RALGAPA2: variants seen among roughly 807,000 people sequenced by gnomAD.
RALGAPA2 encodes the protein ral GTPase-activating protein subunit alpha-2.
A neutral mutation model predicts 230.4 loss-of-function variants in RALGAPA2; 139 were observed. The ratio of observed to expected loss-of-function variants is 0.60; its 90% CI spans 0.53 to 0.69. The LOEUF (loss-of-function observed/expected upper bound fraction) is 0.69. Among genes scored for constraint, RALGAPA2 ranks in the 30% least tolerant of loss-of-function variants. The probability of loss-of-function intolerance (pLI) is 0.00; values close to 1 mark genes in which losing one functional copy is unlikely to be tolerated. For missense variants in RALGAPA2, 2,163 were observed against 2,276.0 expected (o/e 0.95, Z 1.01); for synonymous variants, 847 against 837.8 (o/e 1.01, Z -0.19).
At chr20:20,503,746 A>G (rs1313686639) in intron 34 of RALGAPA2, among the ~76,000 whole-genome samples, 2 of 152,236 alleles carry the variant, frequency 1.3e-5, no homozygotes, top group Non-Finnish European at 2.9e-5. Context: ...AACTTTTGGT[A>G]TATAATCTCT....
chr20:20,542,570 C>A (rs2063675100), intron 24 of RALGAPA2, among the ~76,000 whole-genome samples: 1 of 152,010 alleles, frequency 6.6e-6, no homozygotes, highest in Admixed American at 6.6e-5. Flanking sequence ...ACACATAGAC[C>A]AATGGAACAA....
intron 2 of RALGAPA2, among the ~76,000 whole-genome samples, chr20:20,679,636 T>C (rs1446876534): frequency 6.6e-6 from 1 of 152,106 alleles, no homozygotes; most frequent in Non-Finnish European, 1.5e-5. Context: ...GCATTTCCCA[T>C]ACATGTCGTA....
At chr20:20,707,487 A>G (rs2069651843) in intron 1 of RALGAPA2, among the ~76,000 whole-genome samples, 1 of 152,240 alleles carries the variant, frequency 6.6e-6, no homozygotes, top group African/African-American at 2.4e-5. Flanking sequence ...TATGGTCTCA[A>G]CAAATGTTTG....
intron 37 of RALGAPA2, among the ~76,000 whole-genome samples, chr20:20,463,725 G>C (rs1258655999): frequency 6.6e-6 from 1 of 152,136 alleles, no homozygotes; most frequent in Non-Finnish European, 1.5e-5. Flanking sequence ...CATTCCCAAA[G>C]TAACCATCTG....
At position 20,639,817 on chromosome 20, in the gene RALGAPA2, G is replaced by GA; in HGVS notation, c.633dup (p.Leu212SerfsTer20). 1 of 1,613,224 alleles carries GA rather than the reference G, an allele frequency of 6.2e-7. No individual in the cohort carries two copies. The highest frequency in any genetic ancestry group is 8.5e-7 in the Non-Finnish European group (1 of 1,179,242). On this transcript the variant is annotated frameshift_variant, in exon 7 of 40. Coordinates refer to ENST00000202677, the MANE Select transcript of RALGAPA2 (RefSeq NM_020343.4). LOFTEE classifies it high-confidence loss of function. ...ACCATATACTTCAACAGTATTTGAA[G>GA]AAAAAAGCAGGTTTGGTCCTCAGCA...
intron 10 of RALGAPA2, among the ~76,000 whole-genome samples, chr20:20,621,268 A>ACAAC: frequency 6.6e-6 from 1 of 152,334 alleles, no homozygotes; most frequent in Non-Finnish European, 1.5e-5. Context: ...ATTATAATGC[A>ACAAC]CAACCTGGAC....
At chr20:20,572,600 A>G (rs1041326864) in intron 21 of RALGAPA2, among the ~76,000 whole-genome samples, 5 of 152,190 alleles carry the variant, frequency 3.3e-5, no homozygotes, top group African/African-American at 1.2e-4. Context: ...AATACAACCA[A>G]TATCACTTTT....
chr20:20,655,579 G>A (rs2067560037), intron 3 of RALGAPA2, among the ~76,000 whole-genome samples: 1 of 151,734 alleles, frequency 6.6e-6, no homozygotes, highest in Non-Finnish European at 1.5e-5. Flanking sequence ...AGTTTGGCTG[G>A]TAGGCAGTGA....
At chr20:20,581,327 C>A (rs6082060) in intron 20 of RALGAPA2, among the ~76,000 whole-genome samples, 3,696 of 152,226 alleles carry the variant, frequency 0.024, 77 homozygotes, top group South Asian at 0.061. Context: ...TAAATTCAAC[C>A]TACTGAAGCT....
intron 37 of RALGAPA2, among the ~76,000 whole-genome samples, chr20:20,458,749 C>CCTATATATAT (rs2061205019): frequency 4.7e-4 from 1 of 2,150 alleles, no homozygotes; most frequent in African/African-American, 1.9e-3. Flanking sequence ...TATATATATA[C>CCTATATATAT]ATACACACCT....
At chr20:20,544,727 G>A (rs1343688920) in intron 24 of RALGAPA2, among the ~76,000 whole-genome samples, 3 of 152,160 alleles carry the variant, frequency 2.0e-5, no homozygotes, top group Non-Finnish European at 4.4e-5. Context: ...GCAGGGATAT[G>A]GATGAAGCTG....
At chr20:20,693,875 C>T (rs2069007945) in intron 1 of RALGAPA2, among the ~76,000 whole-genome samples, 2 of 152,046 alleles carry the variant, frequency 1.3e-5, no homozygotes, top group Admixed American at 1.3e-4. Flanking sequence ...GAGGCTGAGG[C>T]CTGCAGATCA....
chr20:20,433,625 A>G (rs1489250585), intron 37 of RALGAPA2, among the ~76,000 whole-genome samples: 3 of 152,238 alleles, frequency 2.0e-5, no homozygotes, highest in Admixed American at 6.5e-5. Flanking sequence ...TCCAACAAGT[A>G]TAAGTACTCC....
At chr20:20,573,161 TA>T in intron 20 of RALGAPA2, 93 bp from the exon 21 acceptor site, 1 of 1,150,138 alleles carries the variant, frequency 8.7e-7, no homozygotes, top group Non-Finnish European at 1.2e-6. Flanking sequence ...GTATTCAAAG[TA>T]AAATAATTAA....
At chr20:20,400,193 G>A (rs892268296) in intron 38 of RALGAPA2, among the ~76,000 whole-genome samples, 73 of 152,318 alleles carry the variant, frequency 4.8e-4, no homozygotes, top group African/African-American at 1.7e-3. Context: ...AAGGCCAGTG[G>A]GAATTAGCCA....
intron 37 of RALGAPA2, among the ~76,000 whole-genome samples, chr20:20,458,723 TATATACAC>T: frequency 7.5e-6 from 1 of 133,278 alleles, no homozygotes; most frequent in Admixed American, 8.0e-5. Context: ...CCTATATATA[TATATACAC>T]ACACCTATAT....
At chr20:20,549,083 C>T (rs1160318997) in intron 23 of RALGAPA2, among the ~76,000 whole-genome samples, 1 of 152,146 alleles carries the variant, frequency 6.6e-6, no homozygotes, top group Non-Finnish European at 1.5e-5. Context: ...TTAGCACATA[C>T]TTGAATCAAA....
intron 5 of RALGAPA2, 105 bp from the exon 6 acceptor site, chr20:20,640,983 G>T: frequency 1.9e-6 from 2 of 1,032,276 alleles, no homozygotes; most frequent in Non-Finnish European, 2.8e-6. Flanking sequence ...TTAAAGGTGT[G>T]TTAAGTAGTA....
chr20:20,656,010 T>C (rs2146631750), intron 3 of RALGAPA2, among the ~76,000 whole-genome samples: 2 of 152,284 alleles, frequency 1.3e-5, no homozygotes, highest in Middle Eastern at 3.4e-3. Flanking sequence ...GGGATGACCT[T>C]ACTGGAAATG....
Sources: allele counts gnomAD v4.1 joint callset (sites outside exome capture counted in the v4.1 genomes callset), GRCh38; gene constraint gnomAD v4.1.1; transcripts MANE v1.5; gene names NCBI Gene and HGNC (gene_info 2026-07-23, HGNC 2026-07-21).